NLGN4X: variants seen among roughly 807,000 people sequenced by gnomAD.
NLGN4X encodes neuroligin 4 X-linked, also known as neuroligin-4, X-linked.
In NLGN4X, 3 loss-of-function variants were observed where a neutral mutation model predicts 40.3. That is an observed-to-expected ratio of 0.07 (90% confidence interval 0.03 to 0.19). NLGN4X has a LOEUF of 0.19. Ranked by LOEUF, NLGN4X falls within the 10% of genes least tolerant of loss-of-function variation. The pLI is 1.00. For synonymous variants in NLGN4X, 270 were observed against 306.8 expected (o/e 0.88, Z 1.25); for missense variants, 382 against 708.3 (o/e 0.54, Z 5.23).
intron 2 of NLGN4X, among the ~76,000 whole-genome samples, chrX:6,052,903 C>A (rs929738182): frequency 8.9e-6 from 1 of 111,988 alleles, no homozygotes; most frequent in Non-Finnish European, 1.9e-5. Flanking sequence ...TCTGAGGCTT[C>A]CCTGGTGTTT....
intron 2 of NLGN4X, among the ~76,000 whole-genome samples, chrX:6,049,036 A>G (rs1055658975): frequency 3.8e-5 from 4 of 104,107 alleles, no homozygotes; most frequent in Non-Finnish European, 7.8e-5. Context: ...AAAAAAGAAT[A>G]AGGGTATGCC....
chrX:5,927,284 G>A (rs920419474), intron 3 of NLGN4X, among the ~76,000 whole-genome samples: 33 of 111,725 alleles, frequency 3.0e-4, no homozygotes, highest in African/African-American at 9.7e-4. Context: ...TTTCAGGAAG[G>A]AACGAAAATG....
intron 2 of NLGN4X, among the ~76,000 whole-genome samples, chrX:6,070,381 T>A (rs762957395): frequency 1.8e-5 from 2 of 109,468 alleles, no homozygotes; most frequent in African/African-American, 6.7e-5. Flanking sequence ...AAAGCTAGAG[T>A]TTTTCAAGTT....
intron 1 of NLGN4X, among the ~76,000 whole-genome samples, chrX:6,216,617 G>C (rs762771169): frequency 5.8e-4 from 65 of 112,341 alleles, no homozygotes; most frequent in African/African-American, 1.8e-3. Context: ...AGGGGTGAGG[G>C]AGTATGGTTT....
At chrX:5,901,380 T>C (rs981813293) in intron 5 of NLGN4X, among the ~76,000 whole-genome samples, 3 of 111,698 alleles carry the variant, frequency 2.7e-5, no homozygotes, top group African/African-American at 9.8e-5. Flanking sequence ...TCTCATTCAG[T>C]GTAAAGAGGC....
chrX:6,134,808 C>A (rs965093177), intron 2 of NLGN4X, among the ~76,000 whole-genome samples: 2 of 112,262 alleles, frequency 1.8e-5, no homozygotes. Context: ...CATAGTCTCA[C>A]AAAGAAGTCT....
chrX:6,093,865 T>G (rs1286514143), intron 2 of NLGN4X, among the ~76,000 whole-genome samples: 6 of 111,894 alleles, frequency 5.4e-5, no homozygotes, highest in African/African-American at 1.9e-4. Context: ...TTGTTATATA[T>G]TTTATGCCAC....
At chrX:6,200,098 C>A (rs1923455160) in intron 1 of NLGN4X, among the ~76,000 whole-genome samples, 1 of 111,959 alleles carries the variant, frequency 8.9e-6, no homozygotes, top group Non-Finnish European at 1.9e-5. Context: ...GAGTGTCTTA[C>A]AACTACTCAT....
intron 1 of NLGN4X, among the ~76,000 whole-genome samples, chrX:6,200,652 A>G (rs1469147478): frequency 5.7e-5 from 6 of 104,492 alleles, no homozygotes; most frequent in Non-Finnish European, 9.8e-5. Flanking sequence ...CCTGTTTTAA[A>G]GTGCTTTATA....
intron 3 of NLGN4X, among the ~76,000 whole-genome samples, chrX:6,012,371 CAAG>C (rs1394648830): frequency 3.6e-5 from 4 of 111,813 alleles, no homozygotes; most frequent in African/African-American, 1.3e-4. Context: ...AAAGAGGATG[CAAG>C]AAGGAGATGA....
chrX:6,021,002 TTCTCTCTCTCTCTCTCTCTC>T (rs869309615), intron 3 of NLGN4X, among the ~76,000 whole-genome samples: 1 of 24,123 alleles, frequency 4.1e-5, no homozygotes, highest in Non-Finnish European at 7.4e-5. Context: ...CTTCCTTCTT[TTCTCTCTCTCTCTCTCTCTC>T]TCTCTCTCTC....
intron 3 of NLGN4X, among the ~76,000 whole-genome samples, chrX:5,948,682 G>A (rs751379284): frequency 1.8e-5 from 2 of 111,588 alleles, no homozygotes; most frequent in East Asian, 5.7e-4. Context: ...TGTACTTTAG[G>A]TTTCTGTTGA....
chrX:5,894,637 AT>A (rs1361358139), intron 5 of NLGN4X, among the ~76,000 whole-genome samples: 2 of 112,038 alleles, frequency 1.8e-5, no homozygotes, highest in African/African-American at 3.2e-5. Context: ...AAGGAGAATC[AT>A]AAAAATTTGG....
chrX:6,179,772 C>A (rs1318854987), intron 1 of NLGN4X, among the ~76,000 whole-genome samples: 2 of 111,891 alleles, frequency 1.8e-5, no homozygotes, highest in African/African-American at 6.5e-5. Flanking sequence ...AAAGGCAATT[C>A]CAAAGTTACA....
chrX:6,122,590 G>A (rs1019649227), intron 2 of NLGN4X, among the ~76,000 whole-genome samples: 7 of 109,480 alleles, frequency 6.4e-5, no homozygotes, highest in Admixed American at 5.0e-4. Context: ...GACCTCTACC[G>A]GCCTCAAGAA....
rs186297018 is a variant in NLGN4X at position 6,138,796 on chromosome X, T to C, written c.472+12199A>G. Among the ~76,000 whole-genome samples, 695 of 111,338 alleles carry C rather than the reference T, an allele frequency of 6.2e-3. 2 individuals are homozygous for C. Among genetic ancestry groups the C allele is most frequent in the Admixed American group, 8.1e-3 (84 of 10,394 alleles). On this transcript the variant is annotated intron_variant, in intron 2 of 5. Coordinates refer to ENST00000381095, the MANE Select transcript of NLGN4X (RefSeq NM_181332.3). ...AAAAGCTCCTTCTCCTTGGAAGATG[T>C]TATCATTCTGTGATTAAAGTCTAAG...
chrX:6,207,027 T>TTCTCTCTC lies in NLGN4X; in HGVS notation c.-306+21506_-306+21513dup, dbSNP rs111244462. 6.9e-3 allele frequency among the ~76,000 whole-genome samples: 741 copies of TTCTCTCTC among 107,512 alleles called. 5 individuals are homozygous for TTCTCTCTC. The highest frequency in any genetic ancestry group is 0.023 in the African/African-American group (692 of 29,618). 93.4% of individuals were successfully genotyped at this position (107,512 alleles called of 115,157 possible). On this transcript the variant is annotated intron_variant, in intron 1 of 5. Transcript: ENST00000381095. Reference sequence around the variant, plus strand: ...AGTAGAACAATAAAATTGCACTAGATTCTCTCTCTCTCTCTCTCACACACA... The same window carrying TTCTCTCTC: ...AGTAGAACAATAAAATTGCACTAGATTCTCTCTCTCTCTCTCTCTCTCTCTCACACACA...
intron 1 of NLGN4X, among the ~76,000 whole-genome samples, chrX:6,206,622 T>C (rs12388068): frequency 0.1 from 11,242 of 110,898 alleles, 486 homozygotes; most frequent in South Asian, 0.16. Flanking sequence ...TACTTTCCTG[T>C]CTCTTCTAAA....
intron 2 of NLGN4X, among the ~76,000 whole-genome samples, chrX:6,039,697 T>G (rs1167974321): frequency 8.9e-6 from 1 of 112,276 alleles, no homozygotes; most frequent in Non-Finnish European, 1.9e-5. Flanking sequence ...TATTAACAGT[T>G]TATATTTCAA....
Sources: allele counts gnomAD v4.1 joint callset (sites outside exome capture counted in the v4.1 genomes callset), GRCh38; gene constraint gnomAD v4.1.1; transcripts MANE v1.5; gene names NCBI Gene and HGNC (gene_info 2026-07-23, HGNC 2026-07-21).